BICC1: variants seen among roughly 807,000 people sequenced by gnomAD.
BICC1 encodes the protein protein bicaudal C homolog 1.
BICC1 carries 43 observed loss-of-function variants against 111.0 expected under a neutral mutation model. That is an observed-to-expected ratio of 0.39 (90% confidence interval 0.30 to 0.50). The LOEUF is 0.50. Ranked by LOEUF, BICC1 falls within the 20% of genes least tolerant of loss-of-function variation. BICC1 has a pLI of 0.88. For synonymous variants in BICC1, 467 were observed against 434.4 expected (o/e 1.07, Z -0.93); for missense variants, 1,091 against 1,203.2 (o/e 0.91, Z 1.38).
At chr10:58,824,158 C>A (rs1488851522) in intron 20 of BICC1, 12 of 928,294 alleles carry the variant, frequency 1.3e-5, no homozygotes, top group African/African-American at 1.8e-5. Context: ...CTTCTCTGTC[C>A]AGTGGGTCAC....
intron 3 of BICC1, among the ~76,000 whole-genome samples, chr10:58,726,680 A>G (rs1468263206): frequency 6.6e-6 from 1 of 152,222 alleles, no homozygotes; most frequent in East Asian, 1.9e-4. Context: ...TGTGTCTGTT[A>G]CTTACATACT....
chr10:58,624,004 C>T (rs1321608922), intron 2 of BICC1, among the ~76,000 whole-genome samples: 1 of 152,116 alleles, frequency 6.6e-6, no homozygotes, highest in Non-Finnish European at 1.5e-5. Context: ...GTGTGGTGTA[C>T]TTTGAAACTT....
chr10:58,734,128 C>G (rs745684075), intron 3 of BICC1, among the ~76,000 whole-genome samples: 3 of 152,160 alleles, frequency 2.0e-5, no homozygotes, highest in African/African-American at 7.2e-5. Context: ...AAAGCTGGGA[C>G]TGTGTTTAAG....
At chr10:58,802,888 T>C (rs1009948441) in intron 14 of BICC1, among the ~76,000 whole-genome samples, 189 bp from the exon 15 acceptor site, 1 of 152,224 alleles carries the variant, frequency 6.6e-6, no homozygotes, top group African/African-American at 2.4e-5. Flanking sequence ...TTGGACAATA[T>C]ACTTCCTTCA....
chr10:58,648,202 A>G (rs949592460), intron 2 of BICC1, among the ~76,000 whole-genome samples: 2 of 152,236 alleles, frequency 1.3e-5, no homozygotes, highest in African/African-American at 4.8e-5. Flanking sequence ...CCGGTAGAGC[A>G]TGGCTGAAGC....
intron 20 of BICC1, among the ~76,000 whole-genome samples, chr10:58,826,453 TAGTA>T (rs1470339000): frequency 2.0e-5 from 3 of 152,172 alleles, no homozygotes; most frequent in Non-Finnish European, 4.4e-5. Context: ...GGATTTTTAT[TAGTA>T]AGAAAGAAAG....
intron 14 of BICC1, among the ~76,000 whole-genome samples, chr10:58,802,083 C>T (rs946683794): frequency 3.9e-5 from 6 of 152,156 alleles, no homozygotes; most frequent in African/African-American, 1.4e-4. Flanking sequence ...AATTTACTTT[C>T]GAAAACAGGT....
intron 3 of BICC1, among the ~76,000 whole-genome samples, chr10:58,747,729 A>G (rs1841874746): frequency 6.6e-6 from 1 of 152,166 alleles, no homozygotes; most frequent in Non-Finnish European, 1.5e-5. Context: ...AACCCTGTGT[A>G]TAGCCTTTTG....
At chr10:58,539,262 T>C (rs1026448873) in intron 1 of BICC1, among the ~76,000 whole-genome samples, 10 of 151,788 alleles carry the variant, frequency 6.6e-5, no homozygotes, top group African/African-American at 2.2e-4. Context: ...TGGAGGCTAT[T>C]ATTCTAAGTG....
intron 6 of BICC1, 31 bp downstream of exon 6, chr10:58,788,454 T>C (rs1843076373): frequency 6.8e-7 from 1 of 1,462,108 alleles, no homozygotes; most frequent in African/African-American, 1.4e-5. Context: ...CATTGTAAAT[T>C]GATGTCAGCA....
chr10:58,628,362 A>G (rs1446771708), intron 2 of BICC1, among the ~76,000 whole-genome samples: 4 of 152,194 alleles, frequency 2.6e-5, no homozygotes, highest in Non-Finnish European at 1.5e-5. Context: ...TGTCTTTTAT[A>G]TAACAGTTAT....
chr10:58,565,192 A>G (rs149885013), intron 1 of BICC1, among the ~76,000 whole-genome samples: 9 of 152,332 alleles, frequency 5.9e-5, no homozygotes, highest in Admixed American at 5.2e-4. Flanking sequence ...TGCTTCATCT[A>G]TGCTATTTAA....
At chr10:58,691,347 T>C (rs1303095064) in intron 2 of BICC1, among the ~76,000 whole-genome samples, 2 of 152,200 alleles carry the variant, frequency 1.3e-5, no homozygotes, top group Admixed American at 6.5e-5. Flanking sequence ...CCATGAGATC[T>C]GATAGAAGAT....
intron 3 of BICC1, among the ~76,000 whole-genome samples, chr10:58,739,091 A>C (rs1564585088): frequency 6.6e-6 from 1 of 152,076 alleles, no homozygotes; most frequent in Non-Finnish European, 1.5e-5. Context: ...TCTCTTGCCT[A>C]ATTGCCCTGG....
intron 1 of BICC1, among the ~76,000 whole-genome samples, chr10:58,614,692 A>C (rs907085494): frequency 3.3e-5 from 5 of 152,026 alleles, no homozygotes; most frequent in Non-Finnish European, 5.9e-5. Flanking sequence ...AAGGGTGTTT[A>C]GTGTTTTGAT....
At chr10:58,543,900 T>C (rs1843065354) in intron 1 of BICC1, among the ~76,000 whole-genome samples, 2 of 151,542 alleles carry the variant, frequency 1.3e-5, no homozygotes, top group African/African-American at 4.9e-5. Flanking sequence ...CAAATTTGCC[T>C]TAGGTAAACC....
chr10:58,647,470 C>T (rs59974224), intron 2 of BICC1, among the ~76,000 whole-genome samples: 51 of 152,174 alleles, frequency 3.4e-4, no homozygotes, highest in African/African-American at 1.2e-3. Flanking sequence ...TCATGAGTTT[C>T]AGAAGCATTT....
At chr10:58,653,078 C>T (rs1249402284) in intron 2 of BICC1, among the ~76,000 whole-genome samples, 1 of 152,060 alleles carries the variant, frequency 6.6e-6, no homozygotes, top group Non-Finnish European at 1.5e-5. Flanking sequence ...TACCTTAGAG[C>T]TAATCATTGA....
intron 17 of BICC1, among the ~76,000 whole-genome samples, chr10:58,810,833 A>T (rs1218587548): frequency 6.6e-6 from 1 of 152,172 alleles, no homozygotes; most frequent in Non-Finnish European, 1.5e-5. Context: ...CAAAAGAAAA[A>T]TAAAGCCAAA....
Sources: allele counts gnomAD v4.1 joint callset (sites outside exome capture counted in the v4.1 genomes callset), GRCh38; gene constraint gnomAD v4.1.1; transcripts MANE v1.5; gene names NCBI Gene and HGNC (gene_info 2026-07-23, HGNC 2026-07-21).